The following CADM1 variants were observed in gnomAD, a reference collection of about 807,000 sequenced individuals.
CADM1 encodes cell adhesion molecule 1.
In CADM1, 15 loss-of-function variants were observed where a neutral mutation model predicts 53.1. The observed-to-expected ratio is 0.28, with a 90% CI of 0.19 to 0.44. The LOEUF (loss-of-function observed/expected upper bound fraction) is 0.44. CADM1 is among the 20% of genes least tolerant of loss of function. CADM1 has a pLI of 1.00. For synonymous variants in CADM1, 281 were observed against 243.0 expected (o/e 1.16, Z -1.45); for missense variants, 434 against 611.3 (o/e 0.71, Z 3.06).
intron 1 of CADM1, among the ~76,000 whole-genome samples, chr11:115,355,495 G>A (rs143407215): frequency 1.5e-3 from 229 of 152,084 alleles, no homozygotes; most frequent in African/African-American, 4.9e-3. Flanking sequence ...GCTGAGGATC[G>A]GAAAAAATAA....
At chr11:115,438,888 T>A (rs190756807) in intron 1 of CADM1, among the ~76,000 whole-genome samples, 1 of 152,320 alleles carries the variant, frequency 6.6e-6, no homozygotes, top group Admixed American at 6.5e-5. Context: ...TCTGATGGTT[T>A]CTTTTGCCTG....
intron 1 of CADM1, among the ~76,000 whole-genome samples, chr11:115,392,769 T>A (rs945027707): frequency 6.6e-6 from 1 of 152,114 alleles, no homozygotes; most frequent in Non-Finnish European, 1.5e-5. Flanking sequence ...GGAATTTCAA[T>A]TGTGAAACCT....
At chr11:115,344,600 A>T (rs1945529430) in intron 1 of CADM1, among the ~76,000 whole-genome samples, 9 of 152,136 alleles carry the variant, frequency 5.9e-5, no homozygotes, top group Admixed American at 5.9e-4. Flanking sequence ...TCCTTCCTAT[A>T]GTAGTGTACT....
At chr11:115,207,172 G>A (rs537493496) in intron 8 of CADM1, 1 of 152,254 alleles carries the variant, frequency 6.6e-6, no homozygotes, top group South Asian at 2.1e-4. Context: ...AGCAATTTTA[G>A]TTTAACTACT....
intron 1 of CADM1, among the ~76,000 whole-genome samples, chr11:115,388,267 G>A (rs1248404861): frequency 1.3e-5 from 2 of 152,096 alleles, no homozygotes; most frequent in Non-Finnish European, 2.9e-5. Flanking sequence ...ATGGGTGGAT[G>A]GGTGGATGAA....
chr11:115,254,958 G>A (rs774497116), intron 1 of CADM1, among the ~76,000 whole-genome samples: 24 of 152,112 alleles, frequency 1.6e-4, no homozygotes, highest in Admixed American at 7.2e-4. Flanking sequence ...AGAGGGATGG[G>A]AGGCTGAGGA....
chr11:115,236,907 T>A (rs537740454), intron 3 of CADM1, among the ~76,000 whole-genome samples: 1 of 152,286 alleles, frequency 6.6e-6, no homozygotes, highest in South Asian at 2.1e-4. Flanking sequence ...ATGTCTAACA[T>A]CTGTTATTAT....
At chr11:115,500,140 A>G (rs1405827786) in intron 1 of CADM1, among the ~76,000 whole-genome samples, 1 of 152,216 alleles carries the variant, frequency 6.6e-6, no homozygotes, top group Non-Finnish European at 1.5e-5. Context: ...CATAATGGTC[A>G]AAACTATTCT....
At chr11:115,212,165 T>C (rs767997801) in intron 7 of CADM1, among the ~76,000 whole-genome samples, 2 of 151,322 alleles carry the variant, frequency 1.3e-5, no homozygotes, top group African/African-American at 2.5e-5. Context: ...GCTTGACATG[T>C]AGAGGCTAAA....
chr11:115,320,244 A>G (rs1205208986), intron 1 of CADM1, among the ~76,000 whole-genome samples: 2 of 152,054 alleles, frequency 1.3e-5, no homozygotes, highest in Non-Finnish European at 2.9e-5. Context: ...ATTATTTTTT[A>G]TAGAGACGAG....
At chr11:115,359,357 T>C (rs961351766) in intron 1 of CADM1, among the ~76,000 whole-genome samples, 19 of 152,138 alleles carry the variant, frequency 1.2e-4, no homozygotes, top group African/African-American at 4.3e-4. Context: ...TGAAATTTCT[T>C]GTAATTCTCA....
intron 4 of CADM1, among the ~76,000 whole-genome samples, chr11:115,230,100 C>G (rs1451256633): frequency 1.3e-5 from 2 of 152,156 alleles, no homozygotes; most frequent in Non-Finnish European, 2.9e-5. Flanking sequence ...TTCACTTAGA[C>G]AGAAAAGCAG....
At chr11:115,476,631 A>G (rs1029452966) in intron 1 of CADM1, among the ~76,000 whole-genome samples, 4 of 152,228 alleles carry the variant, frequency 2.6e-5, no homozygotes, top group African/African-American at 9.6e-5. Flanking sequence ...AAGAAAATGC[A>G]GACCTTATTA....
At position 115,176,196 on chromosome 11, in the gene CADM1, T is replaced by C. The variant is rs1939019338; in HGVS notation, c.*278A>G. On this transcript the variant is annotated 3_prime_UTR_variant, in exon 12 of 12. Transcript: ENST00000331581. Reference sequence around the variant, plus strand: ...AAACAAGGCACAGAATTTTCTGCAATCTACTGAAACTAAATCCAAGTATCC... The same window carrying C: ...AAACAAGGCACAGAATTTTCTGCAACCTACTGAAACTAAATCCAAGTATCC... 11 of 1,206,412 alleles carry C rather than the reference T, an allele frequency of 9.1e-6. No individual in the cohort carries two copies. Among genetic ancestry groups the C allele is most frequent in the Admixed American group, 3.7e-5 (1 of 27,284 alleles). 74.7% of individuals were successfully genotyped at this position (1,206,412 alleles called of 1,614,324 possible).
chr11:115,485,117 G>T (rs1038627498), intron 1 of CADM1, among the ~76,000 whole-genome samples: 1 of 152,002 alleles, frequency 6.6e-6, no homozygotes, highest in African/African-American at 2.4e-5. Context: ...TGATTCTTCT[G>T]CACCTTGGTT....
chr11:115,495,853 C>T (rs927904881), intron 1 of CADM1, among the ~76,000 whole-genome samples: 1 of 152,118 alleles, frequency 6.6e-6, no homozygotes, highest in Non-Finnish European at 1.5e-5. Flanking sequence ...GACACAAGCA[C>T]CAAATACTCC....
intron 1 of CADM1, among the ~76,000 whole-genome samples, chr11:115,433,890 A>G (rs1948117477): frequency 6.6e-6 from 1 of 152,204 alleles, no homozygotes; most frequent in African/African-American, 2.4e-5. Flanking sequence ...GGAATTCTCC[A>G]CTCAGAAAAT....
intron 1 of CADM1, among the ~76,000 whole-genome samples, chr11:115,376,828 A>G (rs1374725521): frequency 6.6e-6 from 1 of 152,208 alleles, no homozygotes. Context: ...ATTCCACAGG[A>G]CACTGGTGGT....
At chr11:115,213,115 G>A (rs1442067443) in intron 7 of CADM1, among the ~76,000 whole-genome samples, 1 of 152,226 alleles carries the variant, frequency 6.6e-6, no homozygotes, top group African/African-American at 2.4e-5. Flanking sequence ...TTTGTAAAGA[G>A]CTGGACTGAA....
Sources: allele counts gnomAD v4.1 joint callset (sites outside exome capture counted in the v4.1 genomes callset), GRCh38; gene constraint gnomAD v4.1.1; transcripts MANE v1.5; gene names NCBI Gene and HGNC (gene_info 2026-07-23, HGNC 2026-07-21).